SLC35F3: variants seen among roughly 807,000 people sequenced by gnomAD.
SLC35F3 encodes the protein putative thiamine transporter SLC35F3.
Under a neutral mutation model 49.9 loss-of-function variants are expected in SLC35F3, and 25 were observed. The ratio of observed to expected loss-of-function variants is 0.50; its 90% CI spans 0.37 to 0.70. The LOEUF (loss-of-function observed/expected upper bound fraction) is 0.70. Among genes scored for constraint, SLC35F3 ranks in the 30% least tolerant of loss-of-function variants. The probability of loss-of-function intolerance (pLI) is 0.00; values close to 1 mark genes in which losing one functional copy is unlikely to be tolerated. For synonymous variants in SLC35F3, 275 were observed against 265.4 expected (o/e 1.04, Z -0.35); for missense variants, 525 against 639.8 (o/e 0.82, Z 1.94).
chr1:234,091,755 C>A (rs895383121), intron 2 of SLC35F3, among the ~76,000 whole-genome samples: 1 of 152,116 alleles, frequency 6.6e-6, no homozygotes, highest in Non-Finnish European at 1.5e-5. Context: ...TTGCTTTTTT[C>A]ACTCACTGTG....
intron 2 of SLC35F3, among the ~76,000 whole-genome samples, chr1:234,166,900 G>T (rs1666330479): frequency 6.6e-6 from 1 of 152,238 alleles, no homozygotes; most frequent in Non-Finnish European, 1.5e-5. Flanking sequence ...ACTAGAGAAA[G>T]CATAAACTCA....
rs1664531482 is a variant in SLC35F3, at chr1:234,061,009, CA to C, written c.283+155252del. Among the ~76,000 whole-genome samples the C allele has an allele frequency of 5.9e-5, 9 of 152,268 alleles. No individual in the cohort carries two copies. In the South Asian group the frequency reaches 1.9e-3, roughly 32 times the overall value. On this transcript the variant is annotated intron_variant, in intron 2 of 7. Transcript: ENST00000366618. ...ACGAGAATAAGGGAAAAGAAATATG[CA>C]TCTATACTGTCCTTTATAATTACAT...
In SLC35F3 at chr1:234,218,230, T is replaced by G. The variant is rs146281238; in HGVS notation, c.284-13187T>G. ...TCAGCTCTACTCACAATCAACTCAT[T>G]CATGTTCAGTGAAATTACATTCAAT... On this transcript the variant is annotated intron_variant, in intron 2 of 7. Coordinates refer to ENST00000366618, the MANE Select transcript of SLC35F3 (RefSeq NM_173508.4). 6.6e-5 allele frequency among the ~76,000 whole-genome samples: 10 copies of G among 152,292 alleles called. No homozygotes were observed. The East Asian group carries it at 1.9e-3, about 29-fold the overall frequency.
At chr1:234,184,545 G>A (rs1005860963) in intron 2 of SLC35F3, among the ~76,000 whole-genome samples, 9 of 152,250 alleles carry the variant, frequency 5.9e-5, no homozygotes, top group South Asian at 4.2e-4. Context: ...TGTCAGCGCC[G>A]TCCCATAGTG....
At chr1:234,000,480 C>T (rs1284015163) in intron 2 of SLC35F3, among the ~76,000 whole-genome samples, 1 of 152,182 alleles carries the variant, frequency 6.6e-6, no homozygotes, top group Non-Finnish European at 1.5e-5. Context: ...TGGCCCAGTA[C>T]TAGGTGCCAC....
chr1:234,087,982 T>C (rs529972095), intron 2 of SLC35F3, among the ~76,000 whole-genome samples: 2 of 152,336 alleles, frequency 1.3e-5, no homozygotes, highest in East Asian at 3.9e-4. Context: ...CACACCTGCC[T>C]CCAGCTTAGT....
intron 2 of SLC35F3, among the ~76,000 whole-genome samples, chr1:233,963,198 ACTT>A (rs1175277949): frequency 6.6e-6 from 1 of 151,990 alleles, no homozygotes; most frequent in Non-Finnish European, 1.5e-5. Flanking sequence ...GGGGGTGGGT[ACTT>A]CTGCCTTTCA....
intron 2 of SLC35F3, among the ~76,000 whole-genome samples, chr1:234,199,855 G>T (rs141552545): frequency 1.4e-3 from 207 of 152,280 alleles, no homozygotes; most frequent in African/African-American, 4.7e-3. Context: ...TTTGTCAAAA[G>T]AAGAGATACA....
At chr1:234,290,309 C>A (rs527820488) in intron 3 of SLC35F3, among the ~76,000 whole-genome samples, 174 of 151,968 alleles carry the variant, frequency 1.1e-3, no homozygotes, top group African/African-American at 3.8e-3. Context: ...AAAGAATAAT[C>A]ACAAGAAAAA....
intron 2 of SLC35F3, among the ~76,000 whole-genome samples, chr1:233,930,242 T>G (rs1662221680): frequency 6.6e-6 from 1 of 151,916 alleles, no homozygotes; most frequent in Non-Finnish European, 1.5e-5. Context: ...TTGAGAACAA[T>G]TGATGAGGGA....
chr1:233,941,341 T>C (rs534228303), intron 2 of SLC35F3, among the ~76,000 whole-genome samples: 76 of 152,360 alleles, frequency 5.0e-4, no homozygotes, highest in African/African-American at 1.8e-3. Context: ...TTTATCACCT[T>C]GTAACTGAAT....
chr1:234,038,177 C>T (rs1172199935), intron 2 of SLC35F3, among the ~76,000 whole-genome samples: 1 of 143,726 alleles, frequency 7.0e-6, no homozygotes, highest in African/African-American at 2.6e-5. Flanking sequence ...TGTGTTCTCA[C>T]TGTTCAATTC....
At chr1:234,025,787 T>A (rs1160536811) in intron 2 of SLC35F3, among the ~76,000 whole-genome samples, 1 of 152,240 alleles carries the variant, frequency 6.6e-6, no homozygotes, top group Non-Finnish European at 1.5e-5. Context: ...GTTGATAGTT[T>A]CTTTTGCTGT....
chr1:234,305,387 T>G (rs1657135842), intron 3 of SLC35F3, among the ~76,000 whole-genome samples: 1 of 25,866 alleles, frequency 3.9e-5, no homozygotes, highest in Non-Finnish European at 8.8e-5. Context: ...GTATTGCTTT[T>G]TTTTTTTTTT....
intron 2 of SLC35F3, among the ~76,000 whole-genome samples, chr1:233,966,276 C>A (rs1039687229): frequency 2.6e-5 from 4 of 152,186 alleles, no homozygotes; most frequent in African/African-American, 9.7e-5. Flanking sequence ...GGTGACGGGT[C>A]TGGGCTAATA....
At chr1:233,928,452 C>T (rs146694762) in intron 2 of SLC35F3, among the ~76,000 whole-genome samples, 1 of 152,116 alleles carries the variant, frequency 6.6e-6, no homozygotes, top group African/African-American at 2.4e-5. Context: ...AGATGATGGA[C>T]TTAATTAGTC....
intron 3 of SLC35F3, among the ~76,000 whole-genome samples, chr1:234,252,488 T>C (rs1392048683): frequency 6.6e-6 from 1 of 151,924 alleles, no homozygotes; most frequent in Non-Finnish European, 1.5e-5. Context: ...CTAGAAAAAA[T>C]ATGTGTAACG....
intron 2 of SLC35F3, among the ~76,000 whole-genome samples, chr1:233,951,985 TTC>T (rs1662614888): frequency 6.6e-6 from 1 of 151,668 alleles, no homozygotes; most frequent in Admixed American, 6.5e-5. Context: ...TTGCCTGTCT[TTC>T]ACATCTATCA....
chr1:234,053,147 A>G (rs1664403611), intron 2 of SLC35F3, among the ~76,000 whole-genome samples: 1 of 152,198 alleles, frequency 6.6e-6, no homozygotes, highest in Non-Finnish European at 1.5e-5. Context: ...GTAGACGTCT[A>G]TTAGGTCCTC....
Sources: gnomAD v4.1 joint callset for allele counts (sites outside exome capture counted in the v4.1 genomes callset) on GRCh38, gnomAD v4.1.1 for gene constraint, MANE v1.5 for transcripts, NCBI Gene and HGNC (gene_info 2026-07-23, HGNC 2026-07-21) for gene names.